PLXNA4: variants seen among roughly 807,000 people sequenced by gnomAD.
PLXNA4 encodes plexin-A4.
In PLXNA4, 44 loss-of-function variants were observed where a neutral mutation model predicts 191.8. That is an observed-to-expected ratio of 0.23 (90% CI 0.18 to 0.29). PLXNA4 has a LOEUF of 0.29. Among genes scored for constraint, PLXNA4 ranks in the 10% least tolerant of loss-of-function variants. The pLI is 1.00. For missense variants in PLXNA4, 1,800 were observed against 2,488.8 expected (o/e 0.72, Z 5.89); for synonymous variants, 1,082 against 1,009.5 (o/e 1.07, Z -1.36).
At chr7:132,387,945 C>T (rs938352368) in intron 3 of PLXNA4, among the ~76,000 whole-genome samples, 1 of 152,048 alleles carries the variant, frequency 6.6e-6, no homozygotes, top group Admixed American at 6.5e-5. Context: ...GCTGGAAGCT[C>T]CCCGGGGTCT....
intron 1 of PLXNA4, among the ~76,000 whole-genome samples, chr7:132,521,715 C>T (rs1310367061): frequency 3.3e-5 from 5 of 152,156 alleles, no homozygotes; most frequent in Non-Finnish European, 7.3e-5. Flanking sequence ...TTCACAAAAC[C>T]GGGCACAGAA....
chr7:132,403,101 C>G (rs1794063148), intron 3 of PLXNA4, among the ~76,000 whole-genome samples: 1 of 152,222 alleles, frequency 6.6e-6, no homozygotes, highest in South Asian at 2.1e-4. Context: ...CACTTCCATG[C>G]CAACATCCCA....
chr7:132,306,734 GCA>G (rs1801537387), intron 3 of PLXNA4, among the ~76,000 whole-genome samples: 1 of 152,104 alleles, frequency 6.6e-6, no homozygotes, highest in Non-Finnish European at 1.5e-5. Flanking sequence ...AGACACAAAT[GCA>G]CACTCACAGA....
chr7:132,479,867 A>G (rs1041902347), intron 3 of PLXNA4, among the ~76,000 whole-genome samples: 8 of 152,188 alleles, frequency 5.3e-5, no homozygotes, highest in African/African-American at 1.9e-4. Flanking sequence ...CATGTTGCCC[A>G]GGCTGGTCTG....
At chr7:132,421,971 A>G (rs960054262) in intron 3 of PLXNA4, among the ~76,000 whole-genome samples, 2 of 152,210 alleles carry the variant, frequency 1.3e-5, no homozygotes, top group Admixed American at 6.5e-5. Flanking sequence ...AGATCAAATG[A>G]TGCTTCTAAA....
chr7:132,168,603 T>C (rs1349279456), intron 21 of PLXNA4, 31 bp from the exon 22 acceptor site: 9 of 1,537,896 alleles, frequency 5.9e-6, no homozygotes, highest in Non-Finnish European at 7.0e-6. Flanking sequence ...CGTGATGCCA[T>C]TGGCAGGTTG....
intron 1 of PLXNA4, among the ~76,000 whole-genome samples, chr7:132,524,473 T>C (rs1799318965): frequency 6.6e-6 from 1 of 152,170 alleles, no homozygotes; most frequent in Admixed American, 6.5e-5. Flanking sequence ...TCTCAAGTCA[T>C]AAAGAGTGCC....
intron 3 of PLXNA4, among the ~76,000 whole-genome samples, chr7:132,355,643 T>G (rs958615339): frequency 1.3e-5 from 2 of 152,112 alleles, no homozygotes; most frequent in Non-Finnish European, 2.9e-5. Flanking sequence ...CCTTTTCTCA[T>G]GTAGTTTGTA....
At chr7:132,273,818 G>A (rs183441718) in intron 4 of PLXNA4, among the ~76,000 whole-genome samples, 3 of 152,290 alleles carry the variant, frequency 2.0e-5, no homozygotes, top group Admixed American at 1.3e-4. Context: ...CTGAAGGGGC[G>A]TTAAGCAGCA....
At chr7:132,132,172 C>T (rs577529907) in intron 31 of PLXNA4, among the ~76,000 whole-genome samples, 8 of 152,338 alleles carry the variant, frequency 5.3e-5, no homozygotes, top group Admixed American at 5.2e-4. Flanking sequence ...GTGTGTGCCC[C>T]TGCACATGCC....
chr7:132,537,958 C>T (rs1563159055), intron 1 of PLXNA4, among the ~76,000 whole-genome samples: 1 of 152,202 alleles, frequency 6.6e-6, no homozygotes, highest in Non-Finnish European at 1.5e-5. Context: ...GAAAATCCCC[C>T]AGCACAGAGC....
At chr7:132,194,557 C>T (rs1160918128) in intron 13 of PLXNA4, among the ~76,000 whole-genome samples, 1 of 152,204 alleles carries the variant, frequency 6.6e-6, no homozygotes, top group African/African-American at 2.4e-5. Flanking sequence ...CCAAGGGCTG[C>T]AGCAAGTCAA....
chr7:132,273,349 C>T (rs1164554072), intron 4 of PLXNA4, among the ~76,000 whole-genome samples: 1 of 151,568 alleles, frequency 6.6e-6, no homozygotes, highest in Non-Finnish European at 1.5e-5. Flanking sequence ...CACGCACACA[C>T]ACACACACGC....
In PLXNA4 at chr7:132,164,015, C is replaced by T. The variant is rs1324224701; in HGVS notation, c.4500+127G>A. On this transcript the variant is annotated intron_variant, in intron 24 of 31. Coordinates refer to ENST00000321063, the MANE Select transcript of PLXNA4 (RefSeq NM_020911.2). ...GACACAGCGGGAGCACCTGGCTGGG[C>T]CCACACAGCAGACACACCTGGAGAG... The T allele has an allele frequency of 2.1e-6, 3 of 1,435,732 alleles. No individual in the cohort carries two copies. In the African/African-American group the frequency reaches 4.2e-5, roughly 20 times the overall value. 88.9% of individuals were successfully genotyped at this position (1,435,732 alleles called of 1,614,324 possible).
At position 132,298,174 on chromosome 7, in the gene PLXNA4, G is replaced by A. The variant is rs777743560; in HGVS notation, c.1420C>T (p.Gln474Ter). The A allele has an allele frequency of 6.2e-7, 1 of 1,614,192 alleles. No individual in the cohort carries two copies. Among genetic ancestry groups the A allele is most frequent in the Admixed American group, 1.7e-5 (1 of 60,020 alleles). Reference sequence around the variant, plus strand: ...AGGACTGGGCCGGGGTCCACCACCTGCACCGTCTCATACTGGAGGGCGTTG... The same window carrying A: ...AGGACTGGGCCGGGGTCCACCACCTACACCGTCTCATACTGGAGGGCGTTG... ...RGNALQYETV[Q>*]VVDPGPVLRD... is the part of the protein sequence containing the mutation. The change falls in exon 4 of 32, where the codon CAG becomes TAG. Residue 474 changes from glutamine to a stop codon, truncating the protein, a stop_gained. Transcript: ENST00000321063. LOFTEE classifies it high-confidence loss of function.
chr7:132,186,723 T>C (rs1354547341), intron 15 of PLXNA4, among the ~76,000 whole-genome samples: 3 of 152,248 alleles, frequency 2.0e-5, no homozygotes, highest in Non-Finnish European at 2.9e-5. Context: ...ACCTCCAAGC[T>C]ACCCTTGTTC....
intron 3 of PLXNA4, among the ~76,000 whole-genome samples, chr7:132,440,336 C>T (rs763499656): frequency 2.0e-5 from 3 of 152,198 alleles, no homozygotes; most frequent in African/African-American, 4.8e-5. Context: ...CACTACGACA[C>T]GCAACCAGCA....
At chr7:132,431,649 AC>A (rs1795265735) in intron 3 of PLXNA4, among the ~76,000 whole-genome samples, 1 of 152,094 alleles carries the variant, frequency 6.6e-6, no homozygotes, top group Admixed American at 6.5e-5. Flanking sequence ...ACTTTTGGGA[AC>A]CCTCATGCTC....
intron 3 of PLXNA4, among the ~76,000 whole-genome samples, chr7:132,378,368 G>A (rs746391185): frequency 3.3e-5 from 5 of 152,148 alleles, no homozygotes; most frequent in Non-Finnish European, 7.3e-5. Flanking sequence ...CACATGGCTG[G>A]CACATGGTAT....
Sources: allele counts gnomAD v4.1 joint callset (sites outside exome capture counted in the v4.1 genomes callset), GRCh38; gene constraint gnomAD v4.1.1; transcripts MANE v1.5; gene names NCBI Gene and HGNC (gene_info 2026-07-23, HGNC 2026-07-21).